SLC35F3: variants seen among roughly 807,000 people sequenced by gnomAD.
SLC35F3 encodes putative thiamine transporter SLC35F3.
Under a neutral mutation model 49.9 loss-of-function variants are expected in SLC35F3, and 25 were observed. The observed-to-expected ratio is 0.50, with a 90% CI of 0.37 to 0.70. SLC35F3 has a LOEUF of 0.70. Ranked by LOEUF, SLC35F3 falls within the 30% of genes least tolerant of loss-of-function variation. The pLI is 0.00. For missense variants in SLC35F3, 525 were observed against 639.8 expected (o/e 0.82, Z 1.94); for synonymous variants, 275 against 265.4 (o/e 1.04, Z -0.35).
chr1:234,065,302 A>G (rs1664601173), intron 2 of SLC35F3, among the ~76,000 whole-genome samples: 2 of 152,008 alleles, frequency 1.3e-5, no homozygotes, highest in South Asian at 4.2e-4. Flanking sequence ...GCGTGCCACC[A>G]CGCCCGGCTA....
At chr1:234,238,776 A>G (rs972599422) in intron 3 of SLC35F3, among the ~76,000 whole-genome samples, 1 of 152,060 alleles carries the variant, frequency 6.6e-6, no homozygotes, top group East Asian at 1.9e-4. Context: ...TTACCTCTTG[A>G]TCTCCTTTTT....
intron 2 of SLC35F3, among the ~76,000 whole-genome samples, chr1:234,181,231 G>A (rs1436056587): frequency 6.6e-6 from 1 of 151,542 alleles, no homozygotes; most frequent in Non-Finnish European, 1.5e-5. Flanking sequence ...AGCTACTTGG[G>A]AGACTGAGGC....
At chr1:234,192,353 T>G (rs1010960786) in intron 2 of SLC35F3, among the ~76,000 whole-genome samples, 1 of 152,304 alleles carries the variant, frequency 6.6e-6, no homozygotes, top group South Asian at 2.1e-4. Context: ...AAAAATCACA[T>G]GATCATCTCA....
intron 2 of SLC35F3, among the ~76,000 whole-genome samples, chr1:234,075,304 C>T (rs1664776021): frequency 6.6e-6 from 1 of 152,160 alleles, no homozygotes; most frequent in Non-Finnish European, 1.5e-5. Flanking sequence ...ACAGTAGTGG[C>T]GACCCCACAT....
In SLC35F3 at chr1:233,904,704, G is replaced by T. The variant is rs1199491688; in HGVS notation, c.-374G>T. Among the ~76,000 whole-genome samples, 4 of 151,846 alleles carry T rather than the reference G, an allele frequency of 2.6e-5. No individual in the cohort carries two copies. The highest frequency in any genetic ancestry group is 6.6e-5 in the Admixed American group (1 of 15,242). ...CCGACGCCTCCCCGCCCGACCAGGT[G>T]CCTCGAGAGCGCACAGCTGGGAGGG... On this transcript the variant is annotated 5_prime_UTR_variant, in exon 1 of 8. Coordinates refer to ENST00000366618, the MANE Select transcript of SLC35F3 (RefSeq NM_173508.4).
chr1:234,279,847 G>A (rs1458841539), intron 3 of SLC35F3, among the ~76,000 whole-genome samples: 1 of 152,168 alleles, frequency 6.6e-6, no homozygotes, highest in East Asian at 1.9e-4. Flanking sequence ...CCTTGGCTTT[G>A]CTCCATTCAT....
intron 2 of SLC35F3, among the ~76,000 whole-genome samples, chr1:233,911,441 G>T (rs1661871617): frequency 6.6e-6 from 1 of 152,180 alleles, no homozygotes; most frequent in Admixed American, 6.5e-5. Context: ...GGTGAGTTGA[G>T]CATTAGAGCA....
chr1:234,099,934 A>C (rs2102881842), intron 2 of SLC35F3, among the ~76,000 whole-genome samples: 1 of 152,364 alleles, frequency 6.6e-6, no homozygotes, highest in Non-Finnish European at 1.5e-5. Flanking sequence ...TCTGTTAACA[A>C]TTAAGGAATA....
chr1:234,275,764 ATATATAT>A (rs1198124618), intron 3 of SLC35F3, among the ~76,000 whole-genome samples: 2,236 of 101,054 alleles, frequency 0.022, 26 homozygotes, highest in African/African-American at 0.032. Flanking sequence ...AAAAAAAAAA[ATATATAT>A]ATATATATAT....
In SLC35F3 at chr1:233,909,706, C is replaced by T. The variant is rs145063945; in HGVS notation, c.283+3948C>T. On this transcript the variant is annotated intron_variant, in intron 2 of 7. Coordinates refer to ENST00000366618, the MANE Select transcript of SLC35F3 (RefSeq NM_173508.4). ...ATTTGTTGTAGGGAGCTGTCATGTACATTGTAGGATGTTTAGCAGTATCTC... is the reference window on the plus strand; with the variant it reads ...ATTTGTTGTAGGGAGCTGTCATGTATATTGTAGGATGTTTAGCAGTATCTC... Among the ~76,000 whole-genome samples, 44 of 152,298 alleles carry T rather than the reference C, an allele frequency of 2.9e-4. 1 individual carries two copies. The East Asian group carries it at 7.9e-3, about 27-fold the overall frequency.
intron 2 of SLC35F3, among the ~76,000 whole-genome samples, chr1:234,076,156 C>T (rs1027502804): frequency 3.3e-5 from 5 of 152,008 alleles, no homozygotes; most frequent in Admixed American, 2.0e-4. Flanking sequence ...ATTCACTCCT[C>T]GGTTTTTTTT....
At chr1:234,192,625 A>G (rs1666747953) in intron 2 of SLC35F3, among the ~76,000 whole-genome samples, 1 of 152,200 alleles carries the variant, frequency 6.6e-6, no homozygotes, top group African/African-American at 2.4e-5. Context: ...AATAAAGGAC[A>G]TCCAGATCAG....
At position 234,071,513 on chromosome 1, in the gene SLC35F3, CTT is replaced by C. The variant is rs140313334; in HGVS notation, c.284-159902_284-159901del. On this transcript the variant is annotated intron_variant, in intron 2 of 7. Coordinates refer to ENST00000366618, the MANE Select transcript of SLC35F3 (RefSeq NM_173508.4). ...TGACCAAATTCATGTGTTTCCAAAT[CTT>C]TGCCATTTCTCTCACCTCTGATAGG... Among the ~76,000 whole-genome samples the C allele has an allele frequency of 6.7e-3, 1,018 of 152,280 alleles. 10 individuals carry two copies. Among genetic ancestry groups the C allele is most frequent in the African/African-American group, 0.023 (974 of 41,560 alleles).
intron 3 of SLC35F3, among the ~76,000 whole-genome samples, chr1:234,295,559 T>A (rs1322346350): frequency 1.3e-5 from 2 of 152,186 alleles, no homozygotes; most frequent in African/African-American, 4.8e-5. Context: ...TCTCATCAAA[T>A]GTTTGGAATT....
chr1:234,113,086 A>G (rs1392182172), intron 2 of SLC35F3, among the ~76,000 whole-genome samples: 2 of 152,106 alleles, frequency 1.3e-5, no homozygotes, highest in Admixed American at 6.5e-5. Context: ...AAGAAGAAAA[A>G]GAAAAGAAAG....
chr1:234,134,914 G>T (rs1475826248), intron 2 of SLC35F3, among the ~76,000 whole-genome samples: 1 of 152,106 alleles, frequency 6.6e-6, no homozygotes, highest in Non-Finnish European at 1.5e-5. Context: ...TAGAGACGGG[G>T]TTTAGCTTGT....
chr1:233,926,037 C>G (rs927934610), intron 2 of SLC35F3, among the ~76,000 whole-genome samples: 4 of 152,106 alleles, frequency 2.6e-5, no homozygotes, highest in Non-Finnish European at 1.5e-5. Flanking sequence ...TGTGGGTAAC[C>G]CAACCTTTCT....
chr1:233,942,876 CT>C (rs2102800086), intron 2 of SLC35F3, among the ~76,000 whole-genome samples: 1 of 152,336 alleles, frequency 6.6e-6, no homozygotes, highest in African/African-American at 2.4e-5. Context: ...TCCCCAGCCC[CT>C]GGCAACCACC....
intron 3 of SLC35F3, among the ~76,000 whole-genome samples, chr1:234,248,088 T>C (rs1667671784): frequency 6.6e-6 from 1 of 152,238 alleles, no homozygotes; most frequent in Admixed American, 6.5e-5. Context: ...GGCTGGTCCA[T>C]TGTTTGGGGG....
Sources: allele counts gnomAD v4.1 joint callset (sites outside exome capture counted in the v4.1 genomes callset), GRCh38; gene constraint gnomAD v4.1.1; transcripts MANE v1.5; gene names NCBI Gene and HGNC (gene_info 2026-07-23, HGNC 2026-07-21).